The following CPD variants were observed in gnomAD, a reference collection of about 807,000 sequenced individuals.
CPD encodes the protein carboxypeptidase D, also known as metallocarboxypeptidase D.
A neutral mutation model predicts 138.3 loss-of-function variants in CPD; 69 were observed. That is an observed-to-expected ratio of 0.50 (90% CI 0.41 to 0.61). The LOEUF is 0.61. CPD is among the 20% of genes least tolerant of loss of function. CPD has a pLI of 0.00. For synonymous variants in CPD, 651 were observed against 642.1 expected, an observed-to-expected ratio of 1.01 and a Z score of -0.21; for missense variants, 1,432 against 1,733.3, an observed-to-expected ratio of 0.83 and a Z score of 3.09.
chr17:30,455,344 G>A lies in CPD; in HGVS notation c.3211G>A (p.Ala1071Thr), dbSNP rs558201013. ...TTGACTTTTCTCTTTTTTAGATAATGCCTCCCAACCTGAGACCAAAGCCAT... is the reference window on the plus strand; with the variant it reads ...TTGACTTTTCTCTTTTTTAGATAATACCTCCCAACCTGAGACCAAAGCCAT... ...KDLDTDFTNN[A>T]SQPETKAIIE... is the part of the protein sequence containing the mutation. The change falls in exon 15 of 21, where the codon GCC (alanine) becomes ACC (threonine). Residue 1071 changes from alanine to threonine, a missense_variant. Ala to Thr is a moderately conservative substitution (Grantham distance 58, BLOSUM62 0). Transcript: ENST00000225719. 2 of 1,596,342 alleles carry A rather than the reference G, an allele frequency of 1.3e-6. No individual in the cohort carries two copies. The highest frequency in any genetic ancestry group is 2.3e-5 in the South Asian group (2 of 88,030).
chr17:30,431,837 C>A lies in CPD; in HGVS notation c.2083C>A (p.Pro695Thr). Reference sequence around the variant, plus strand: ...AGGACTTGCCACATATAGTAAATCACCAGATGATGCTGTGTTCCAACAAAT... The same window carrying A: ...AGGACTTGCCACATATAGTAAATCAACAGATGATGCTGTGTTCCAACAAAT... ...EQGLATYSKSPDDAVFQQIAL... is the reference protein window; with the variant it reads ...EQGLATYSKSTDDAVFQQIAL... The change falls in exon 8 of 21, where the codon CCA (proline) becomes ACA (threonine). Residue 695 changes from proline (P) to threonine (T), a missense_variant. Physicochemically the swap from Pro to Thr is conservative, Grantham distance 38. Transcript: ENST00000225719. 1.2e-6 allele frequency: 2 copies of A among 1,612,822 alleles called. No individual in the cohort carries two copies. Among genetic ancestry groups the A allele is most frequent in the Non-Finnish European group, 1.7e-6 (2 of 1,179,334 alleles).
In CPD at chr17:30,469,227, A is replaced by G. The variant is rs937864866; in HGVS notation, c.*4413A>G. 3 of 152,228 alleles carry G rather than the reference A, an allele frequency of 2.0e-5. No individual in the cohort carries two copies. The highest frequency in any genetic ancestry group is 1.3e-4 in the Admixed American group (2 of 15,286). The allele number at this position is 152,228 out of a possible 1,614,324, so 9.4% of individuals were successfully genotyped here. A position where few individuals can be genotyped will look rare whatever the true frequency, so the allele number is the denominator to read the frequency against. ...AGACCAGAGAAATATAAATGGAAAT[A>G]GGTTATATTTCAATAGTGATTGGTT... On this transcript the variant is annotated 3_prime_UTR_variant, in exon 21 of 21. Coordinates refer to ENST00000225719, the MANE Select transcript of CPD (RefSeq NM_001304.5).
intron 8 of CPD, among the ~76,000 whole-genome samples, chr17:30,438,545 A>G (rs1912764896): frequency 6.6e-6 from 1 of 152,180 alleles, no homozygotes; most frequent in African/African-American, 2.4e-5. Context: ...CAGAGGGGCC[A>G]TCTTATTCCT....
chr17:30,408,582 G>A (rs1476112590), intron 2 of CPD, among the ~76,000 whole-genome samples: 1 of 152,138 alleles, frequency 6.6e-6, no homozygotes, highest in Non-Finnish European at 1.5e-5. Context: ...GTGAATGGGA[G>A]TTCACTCATG....
chr17:30,396,585 TG>T (rs1950603533), intron 2 of CPD, among the ~76,000 whole-genome samples: 1 of 152,200 alleles, frequency 6.6e-6, no homozygotes, highest in African/African-American at 2.4e-5. Context: ...CAAGACGGAT[TG>T]AGTATCTTAA....
At chr17:30,453,127 T>C (rs1597735727) in intron 14 of CPD, among the ~76,000 whole-genome samples, 2 of 152,276 alleles carry the variant, frequency 1.3e-5, no homozygotes, top group South Asian at 4.1e-4. Flanking sequence ...TCTCATGTCC[T>C]CACATTTCAA....
intron 7 of CPD, among the ~76,000 whole-genome samples, chr17:30,429,682 C>T (rs1352724096): frequency 1.3e-5 from 2 of 152,272 alleles, no homozygotes; most frequent in African/African-American, 4.8e-5. Flanking sequence ...CTCAAAAAAG[C>T]AGTGTTAAGG....
rs932048977 is a variant in CPD, at chr17:30,468,188, T to C, written c.*3374T>C. 2 of 152,542 alleles carry C rather than the reference T, an allele frequency of 1.3e-5. No homozygotes were observed. Among genetic ancestry groups the C allele is most frequent in the African/African-American group, 2.4e-5 (1 of 41,430 alleles). 9.4% of individuals were successfully genotyped at this position (152,542 alleles called of 1,614,324 possible). On this transcript the variant is annotated 3_prime_UTR_variant, in exon 21 of 21. Transcript: ENST00000225719. The stretch of plus-strand genomic sequence containing the variant: ...CTTGATTTTCAGAATATTGTCCTGG[T>C]TGATTTTGATTTGACAGCATACATT...
rs1374674727 is a variant in CPD, at chr17:30,469,694, A to G, written c.*4880A>G. ...AATAGATTGTCTAAAGCATGGCAGT[A>G]AAGTTTTAATTATGCCAAGATGCTT... is the stretch of plus-strand genomic sequence containing the variant. On this transcript the variant is annotated 3_prime_UTR_variant, in exon 21 of 21. Coordinates refer to ENST00000225719, the MANE Select transcript of CPD (RefSeq NM_001304.5). 2 of 152,224 alleles carry G rather than the reference A, an allele frequency of 1.3e-5. No individual in the cohort carries two copies. Among genetic ancestry groups the G allele is most frequent in the Non-Finnish European group, 2.9e-5 (2 of 68,028 alleles). 9.4% of individuals were successfully genotyped at this position (152,224 alleles called of 1,614,324 possible).
At position 30,422,779 on chromosome 17, in the gene CPD, A is replaced by G; in HGVS notation, c.1413A>G (p.Thr471=). 1 of 1,614,114 alleles carries G rather than the reference A, an allele frequency of 6.2e-7. No individual in the cohort carries two copies. Among genetic ancestry groups the G allele is most frequent in the Non-Finnish European group, 8.5e-7 (1 of 1,179,960 alleles). ...TAACTTCAGTAATCCCTGACACGAC[A>G]GAGGCTGTATCAACTGCTAGCACAG... is the stretch of plus-strand genomic sequence containing the variant. The part of the protein sequence containing the change: ...PTVTSVIPDT[T]EAVSTASTVA... The change falls in exon 5 of 21, where the codon ACA becomes ACG. Residue 471 remains threonine, a synonymous_variant. Transcript: ENST00000225719.
At chr17:30,454,168 G>A (rs1039671256) in intron 14 of CPD, 3 of 152,156 alleles carry the variant, frequency 2.0e-5, no homozygotes, top group Admixed American at 2.0e-4. Flanking sequence ...CCAGAAAATG[G>A]GTTTTTCTTT....
chr17:30,385,176 G>A lies in CPD; in HGVS notation c.934G>A (p.Asp312Asn), dbSNP rs925051966. 8 of 1,613,916 alleles carry A rather than the reference G, an allele frequency of 5.0e-6. No homozygotes were observed. Among genetic ancestry groups the A allele is most frequent in the Non-Finnish European group, 5.9e-6 (7 of 1,179,978 alleles). ...MKTGEPHCPG[D>N]EDETFKDGIT... ...AACTGGTGAGCCTCATTGTCCAGGA[G>A]ATGAAGACGAGACTTTCAAAGATGG... Residue 312 changes from aspartate (D) to asparagine (N), a missense_variant, in exon 2 of 21, where the codon GAT becomes AAT. Asp to Asn is a conservative substitution (Grantham distance 23). Coordinates refer to ENST00000225719, the MANE Select transcript of CPD (RefSeq NM_001304.5).
chr17:30,468,262 A>T lies in CPD; in HGVS notation c.*3448A>T, dbSNP rs1330767780. ...ATTTTGAGGCAGTTGGATATAAATT[A>T]TGTAAATATGTATGATTATGATTTT... On this transcript the variant is annotated 3_prime_UTR_variant, in exon 21 of 21. Coordinates refer to ENST00000225719, the MANE Select transcript of CPD (RefSeq NM_001304.5). 6.6e-6 allele frequency: 1 copy of T among 152,662 alleles called. No homozygotes were observed. Among genetic ancestry groups the T allele is most frequent in the Non-Finnish European group, 1.5e-5 (1 of 68,028 alleles). The allele number at this position is 152,662 out of a possible 1,614,324, so 9.5% of individuals were successfully genotyped here.
intron 1 of CPD, among the ~76,000 whole-genome samples, chr17:30,384,146 T>C (rs891969356): frequency 1.3e-5 from 2 of 152,190 alleles, no homozygotes; most frequent in African/African-American, 4.8e-5. Flanking sequence ...TCTACAGTGA[T>C]GTATTGGAGG....
chr17:30,429,802 T>C (rs1027427827), intron 7 of CPD, among the ~76,000 whole-genome samples: 1 of 152,122 alleles, frequency 6.6e-6, no homozygotes, highest in Non-Finnish European at 1.5e-5. Flanking sequence ...CTAGGAAATA[T>C]GCGGGGGAAA....
chr17:30,391,003 T>C (rs990167019), intron 2 of CPD, among the ~76,000 whole-genome samples: 1 of 152,032 alleles, frequency 6.6e-6, no homozygotes, highest in Admixed American at 6.6e-5. Context: ...CTAATTTTTG[T>C]ATTTTTAGTA....
Position 30,421,814 on chromosome 17 carries a change from C to T in CPD, c.1288C>T (p.Leu430Phe), listed in dbSNP as rs373237520. 7 of 1,612,794 alleles carry T rather than the reference C, an allele frequency of 4.3e-6. No individual in the cohort carries two copies. The highest frequency in any genetic ancestry group is 5.9e-6 in the Non-Finnish European group (7 of 1,178,920). Residue 430 changes from leucine to phenylalanine, a missense_variant, in exon 4 of 21, where the codon CTT becomes TTT. Physicochemically the swap from Leu to Phe is conservative, Grantham distance 22. Coordinates refer to ENST00000225719, the MANE Select transcript of CPD (RefSeq NM_001304.5). ...YRLLVPGTYNLTVVLTGYMPL... is the reference protein window; with the variant it reads ...YRLLVPGTYNFTVVLTGYMPL... Reference sequence around the variant, plus strand: ...ATTACTTGTTCCTGGAACTTACAACCTTACAGTAGTTTTAACTGGGTAAGA... The same window carrying T: ...ATTACTTGTTCCTGGAACTTACAACTTTACAGTAGTTTTAACTGGGTAAGA...
In CPD at chr17:30,421,790, T is replaced by C; in HGVS notation, c.1264T>C (p.Leu422=). The C allele has an allele frequency of 6.2e-7, 1 of 1,613,790 alleles. No individual in the cohort carries two copies. The highest frequency in any genetic ancestry group is 8.5e-7 in the Non-Finnish European group (1 of 1,179,724). ...TTGRFGDFYR[L]LVPGTYNLTV... ...AGGCAGATTTGGTGATTTCTACCGA[T>C]TACTTGTTCCTGGAACTTACAACCT... The change falls in exon 4 of 21, where the codon TTA becomes CTA. Residue 422 remains leucine (L), a synonymous_variant. Coordinates refer to ENST00000225719, the MANE Select transcript of CPD (RefSeq NM_001304.5).
intron 2 of CPD, among the ~76,000 whole-genome samples, chr17:30,392,116 T>C (rs541402751): frequency 6.6e-6 from 1 of 151,846 alleles, no homozygotes; most frequent in South Asian, 2.1e-4. Context: ...TTCCAGCGAT[T>C]CTCCTGCCTC....
Sources: allele counts gnomAD v4.1 joint callset (sites outside exome capture counted in the v4.1 genomes callset), GRCh38; gene constraint gnomAD v4.1.1; transcripts MANE v1.5; gene names NCBI Gene and HGNC (gene_info 2026-07-23, HGNC 2026-07-21).